The following CTAGE9 variants were observed in gnomAD, a reference collection of about 807,000 sequenced individuals.
The protein encoded by CTAGE9 is CTAGE family member 9.
For missense variants in CTAGE9, 248 were observed against 884.0 expected (o/e 0.28, Z 9.12); for synonymous variants, 107 against 315.9 (o/e 0.34, Z 7.01).
In CTAGE9 at chr6:131,710,659, G is replaced by T. The variant is rs772311871; in HGVS notation, c.359C>A (p.Ala120Glu). 4 of 1,611,958 alleles carry T rather than the reference G, an allele frequency of 2.5e-6. No individual in the cohort carries two copies. Among genetic ancestry groups the T allele is most frequent in the East Asian group, 4.5e-5 (2 of 44,806 alleles). The stretch of plus-strand genomic sequence containing the variant: ...CAAACTTCGTGCTTCTTCTGCTGCC[G>T]CCTTCTCAAAGCTGGCATCCTCTAA... The part of the protein sequence containing the change: ...SSLEDASFEK[A>E]AAEEARSLEA... Residue 120 changes from alanine (A) to glutamate (E), a missense_variant, in exon 1 of 1, where the codon GCG becomes GAG. By Grantham distance (107) the Ala-to-Glu change is moderately radical (BLOSUM62 -1). Coordinates refer to ENST00000314099, the MANE Select transcript of CTAGE9 (RefSeq NM_001145659.1).
Position 131,710,038 on chromosome 6 carries a change from G to A in CTAGE9, c.980C>T (p.Ser327Phe), listed in dbSNP as rs1179328012. Residue 327 changes from serine to phenylalanine, a missense_variant, in exon 1 of 1, where the codon TCT becomes TTT. Physicochemically the swap from Ser to Phe is radical, Grantham distance 155. Coordinates refer to ENST00000314099, the MANE Select transcript of CTAGE9 (RefSeq NM_001145659.1). ...KLIHAAKLNV[S>F]LKSLEGERNH... ...TCTTTCTCCTTCTAAGCTTTTTAAA[G>A]AAACATTTAACTTAGCAGCATGAAT... The A allele has an allele frequency of 2.5e-6, 4 of 1,611,856 alleles. No individual in the cohort carries two copies. Among genetic ancestry groups the A allele is most frequent in the African/African-American group, 2.7e-5 (2 of 74,766 alleles).
Position 131,710,147 on chromosome 6 carries a change from C to T in CTAGE9, c.871G>A (p.Asp291Asn), listed in dbSNP as rs1170812881. ...AVLEEDTTDD[D>N]NLELKVNSQW... is the part of the protein sequence containing the mutation. ...CTGTTCACTTTTAATTCCAGGTTAT[C>T]ATCATCCGTTGTGTCTTCTTCAAGC... The change falls in exon 1 of 1, where the codon GAT becomes AAT. Residue 291 changes from aspartate to asparagine, a missense_variant. Physicochemically the swap from Asp to Asn is conservative, Grantham distance 23. Transcript: ENST00000314099. 3 of 1,613,872 alleles carry T rather than the reference C, an allele frequency of 1.9e-6. 1 individual carries two copies. Among genetic ancestry groups the T allele is most frequent in the Non-Finnish European group, 2.5e-6 (3 of 1,179,862 alleles).
In CTAGE9 at chr6:131,709,403, G is replaced by A. The variant is rs201703955; in HGVS notation, c.1615C>T (p.Pro539Ser). The stretch of plus-strand genomic sequence containing the variant: ...AGTGGATCCTCCAACAAAGTTTGAG[G>A]AGAGGGAAAAGCTCTCGTTTCAGAT... ...PSSETRAFPSPQTLLEDPLRL... is the reference protein window; with the variant it reads ...PSSETRAFPSSQTLLEDPLRL... The change falls in exon 1 of 1, where the codon CCT becomes TCT. Residue 539 changes from proline (P) to serine (S), a missense_variant. By Grantham distance (74) the Pro-to-Ser change is moderately conservative. Transcript: ENST00000314099. 3,496 of 1,552,796 alleles carry A rather than the reference G, an allele frequency of 2.3e-3. 55 individuals carry two copies. The African/African-American group carries it at 0.032, about 14-fold the overall frequency.
rs774937974 is a variant in CTAGE9, at chr6:131,710,013, TC to T, written c.1004del (p.Arg335LysfsTer52). On this transcript the variant is annotated frameshift_variant, in exon 1 of 1. Transcript: ENST00000314099. LOFTEE classifies it low-confidence loss of function (END_TRUNC). ...NVSLKSLEGERNHIIIQLSEV... is the reference protein window; with the variant it reads ...NVSLKSLEGEXNHIIIQLSEV... ...CAGATAACTGAATAATAATGTGGTT[TC>T]TTTCTCCTTCTAAGCTTTTTAAAGA... The T allele has an allele frequency of 6.2e-7, 1 of 1,606,064 alleles. No individual in the cohort carries two copies. Among genetic ancestry groups the T allele is most frequent in the Non-Finnish European group, 8.5e-7 (1 of 1,176,664 alleles).
chr6:131,710,916 C>T lies in CTAGE9; in HGVS notation c.102G>A (p.Glu34=). ...GTTCCGATGGAAAACCATAAGGATT[C>T]TCATCTGGTCTCATACTCTCAGGTA... The part of the protein sequence containing the change: ...AALPESMRPD[E]NPYGFPSELV... The change falls in exon 1 of 1, where the codon GAG becomes GAA. Residue 34 remains glutamate (E), a synonymous_variant. Coordinates refer to ENST00000314099, the MANE Select transcript of CTAGE9 (RefSeq NM_001145659.1). 6.3e-7 allele frequency: 1 copy of T among 1,594,394 alleles called. No individual in the cohort carries two copies. Among genetic ancestry groups the T allele is most frequent in the South Asian group, 1.1e-5 (1 of 90,620 alleles).
chr6:131,709,850 ATTCAGTCATTATTT>A lies in CTAGE9; in HGVS notation c.1154_1167del (p.Lys385IlefsTer6), dbSNP rs1779740103. The A allele has an allele frequency of 6.3e-7, 1 of 1,598,958 alleles. No homozygotes were observed. Among genetic ancestry groups the A allele is most frequent in the African/African-American group, 1.4e-5 (1 of 73,738 alleles). ...AGTTTCATTTCATTTTCTTGATAGA[ATTCAGTCATTATTT>A]TAAGTTTCTGTTGAAGCTTCTGATT... is the stretch of plus-strand genomic sequence containing the variant. On this transcript the variant is annotated frameshift_variant, in exon 1 of 1. Coordinates refer to ENST00000314099, the MANE Select transcript of CTAGE9 (RefSeq NM_001145659.1). LOFTEE classifies it low-confidence loss of function (END_TRUNC).
At position 131,710,817 on chromosome 6, in the gene CTAGE9, C is replaced by T. The variant is rs1779767495; in HGVS notation, c.201G>A (p.Arg67=). 6.2e-7 allele frequency: 1 copy of T among 1,613,450 alleles called. No homozygotes were observed. The highest frequency in any genetic ancestry group is 8.5e-7 in the Non-Finnish European group (1 of 1,179,846). The change falls in exon 1 of 1, where the codon AGG becomes AGA. Residue 67 remains arginine (R), a synonymous_variant. Coordinates refer to ENST00000314099, the MANE Select transcript of CTAGE9 (RefSeq NM_001145659.1). ...GCTCTCTTCCCACATAAAGCCGACT[C>T]CTAACCGATCTAAAACTTCTCCACA... ...LFLWRSFRSV[R]SRLYVGREQK... is the part of the protein sequence containing the mutation.
chr6:131,709,498 A>G lies in CTAGE9; in HGVS notation c.1520T>C (p.Leu507Pro). The G allele has an allele frequency of 6.2e-7, 1 of 1,613,232 alleles. No homozygotes were observed. The highest frequency in any genetic ancestry group is 1.1e-5 in the South Asian group (1 of 90,998). ...FELLEKDPNA[L>P]DVSNTAFGRE... ...GCCAAATGCTGTATTTGAAACATCG[A>G]GTGCATTAGGATCTTTTTCTAAAAG... Residue 507 changes from leucine (L) to proline (P), a missense_variant, in exon 1 of 1, where the codon CTC becomes CCC. Coordinates refer to ENST00000314099, the MANE Select transcript of CTAGE9 (RefSeq NM_001145659.1).
At position 131,710,584 on chromosome 6, in the gene CTAGE9, T is replaced by C; in HGVS notation, c.434A>G (p.Glu145Gly). 6.2e-7 allele frequency: 1 copy of C among 1,613,414 alleles called. No homozygotes were observed. Among genetic ancestry groups the C allele is most frequent in the Non-Finnish European group, 8.5e-7 (1 of 1,179,862 alleles). ...LSRSNSELED[E>G]ILCLEKDLKE... ...TAAGTCTTTTTCTAGACAGAGGATT[T>C]CATCCTCAAGTTCAGAATTGGACCT... Residue 145 changes from glutamate (E) to glycine (G), a missense_variant, in exon 1 of 1, where the codon GAA becomes GGA. By Grantham distance (98) the Glu-to-Gly change is moderately conservative. Transcript: ENST00000314099.
chr6:131,710,783 C>G lies in CTAGE9; in HGVS notation c.235G>C (p.Gly79Arg). 1 of 1,613,290 alleles carries G rather than the reference C, an allele frequency of 6.2e-7. No individual in the cohort carries two copies. The highest frequency in any genetic ancestry group is 8.5e-7 in the Non-Finnish European group (1 of 1,179,836). Residue 79 changes from glycine to arginine, a missense_variant, in exon 1 of 1, where the codon GGT (glycine) becomes CGT (arginine). Gly to Arg is a moderately radical substitution (Grantham distance 125). Coordinates refer to ENST00000314099, the MANE Select transcript of CTAGE9 (RefSeq NM_001145659.1). ...RLYVGREQKL[G>R]ATLSGLIEEK... The stretch of plus-strand genomic sequence containing the variant: ...TCAATTAGTCCAGAAAGCGTTGCAC[C>G]AAGTTTTTGCTCTCTTCCCACATAA...
Position 131,709,818 on chromosome 6 carries a change from C to T in CTAGE9, c.1200G>A (p.Arg400=). ...GGTAATTTTCCTCCACTGTTAATTT[C>T]CTGTAGAGTTTCATTTCATTTTCTT... ...FYQENEMKLY[R]KLTVEENYRI... Residue 400 remains arginine, a synonymous_variant, in exon 1 of 1, where the codon AGG becomes AGA. Coordinates refer to ENST00000314099, the MANE Select transcript of CTAGE9 (RefSeq NM_001145659.1). 1 of 1,609,508 alleles carries T rather than the reference C, an allele frequency of 6.2e-7. No individual in the cohort carries two copies. The highest frequency in any genetic ancestry group is 1.1e-5 in the South Asian group (1 of 90,132).
chr6:131,710,829 A>G lies in CTAGE9; in HGVS notation c.189T>C (p.Phe63=). ...FVVLLFLWRS[F]RSVRSRLYVG... is the part of the protein sequence containing the mutation. ...CATAAAGCCGACTCCTAACCGATCTAAAACTTCTCCACAAAAAAAGGAGAA... is the reference window on the plus strand; with the variant it reads ...CATAAAGCCGACTCCTAACCGATCTGAAACTTCTCCACAAAAAAAGGAGAA... The change falls in exon 1 of 1, where the codon TTT becomes TTC. Residue 63 remains phenylalanine (F), a synonymous_variant. Transcript: ENST00000314099. 1 of 1,613,344 alleles carries G rather than the reference A, an allele frequency of 6.2e-7. No individual in the cohort carries two copies. Among genetic ancestry groups the G allele is most frequent in the Non-Finnish European group, 8.5e-7 (1 of 1,179,838 alleles).
chr6:131,710,250 T>C lies in CTAGE9; in HGVS notation c.768A>G (p.Glu256=). 1.3e-6 allele frequency: 2 copies of C among 1,599,618 alleles called. No individual in the cohort carries two copies. Among genetic ancestry groups the C allele is most frequent in the Non-Finnish European group, 1.7e-6 (2 of 1,174,010 alleles). The change falls in exon 1 of 1, where the codon GAA becomes GAG. Residue 256 remains glutamate (E), a synonymous_variant. Transcript: ENST00000314099. Reference sequence around the variant, plus strand: ...GATTTTCTTTATCATTCAGAACTTGTTCTGCGTGTACTTTGGAGTCTTCAA... The same window carrying C: ...GATTTTCTTTATCATTCAGAACTTGCTCTGCGTGTACTTTGGAGTCTTCAA... ...ITFEDSKVHA[E]QVLNDKENHI...
Position 131,710,124 on chromosome 6 carries a change from G to C in CTAGE9, c.894C>G (p.Asn298Lys). 4 of 1,613,954 alleles carry C rather than the reference G, an allele frequency of 2.5e-6. No homozygotes were observed. Among genetic ancestry groups the C allele is most frequent in the Non-Finnish European group, 3.4e-6 (4 of 1,179,896 alleles). ...TDDDNLELKVNSQWENGANLD... is the reference protein window; with the variant it reads ...TDDDNLELKVKSQWENGANLD... ...AGTTAGCACCATTTTCCCATTGACT[G>C]TTCACTTTTAATTCCAGGTTATCAT... Residue 298 changes from asparagine to lysine, a missense_variant, in exon 1 of 1, where the codon AAC becomes AAG. Transcript: ENST00000314099.
Position 131,710,736 on chromosome 6 carries a change from T to C in CTAGE9, c.282A>G (p.Glu94=), listed in dbSNP as rs1168392278. 1.4e-5 allele frequency: 23 copies of C among 1,611,576 alleles called. No individual in the cohort carries two copies. In the East Asian group the frequency reaches 2.7e-4, roughly 19 times the overall value. Residue 94 remains glutamate, a synonymous_variant, in exon 1 of 1, where the codon GAA becomes GAG. Coordinates refer to ENST00000314099, the MANE Select transcript of CTAGE9 (RefSeq NM_001145659.1). The part of the protein sequence containing the change: ...GLIEEKCKLL[E]KFSLIQKEYE... ...ACTCTTTTTGAATAAGGCTAAACTT[T>C]TCAAGTAGTTTACATTTTTCTTCAA...
Position 131,709,961 on chromosome 6 carries a change from T to G in CTAGE9, c.1057A>C (p.Thr353Pro), listed in dbSNP as rs770058792. 2 of 1,594,318 alleles carry G rather than the reference T, an allele frequency of 1.3e-6. No homozygotes were observed. Among genetic ancestry groups the G allele is most frequent in the Non-Finnish European group, 1.7e-6 (2 of 1,170,454 alleles). Reference sequence around the variant, plus strand: ...GTCTGAAGATTTTTAATATGCTCTGTAAGCTCTTCCTTTGTTTTGTCCACT... The same window carrying G: ...GTCTGAAGATTTTTAATATGCTCTGGAAGCTCTTCCTTTGTTTTGTCCACT... The part of the protein sequence containing the change: ...SEVDKTKEEL[T>P]EHIKNLQTQQ... Residue 353 changes from threonine (T) to proline (P), a missense_variant, in exon 1 of 1, where the codon ACA becomes CCA. Transcript: ENST00000314099.
chr6:131,709,853 C>T lies in CTAGE9; in HGVS notation c.1165G>A (p.Glu389Lys), dbSNP rs538207207. ...KLQQKLKIMT[E>K]FYQENEMKLY... is the part of the protein sequence containing the mutation. The stretch of plus-strand genomic sequence containing the variant: ...TTCATTTCATTTTCTTGATAGAATT[C>T]AGTCATTATTTTAAGTTTCTGTTGA... Residue 389 changes from glutamate to lysine, a missense_variant, in exon 1 of 1, where the codon GAA becomes AAA. Coordinates refer to ENST00000314099, the MANE Select transcript of CTAGE9 (RefSeq NM_001145659.1). 6.3e-7 allele frequency: 1 copy of T among 1,598,088 alleles called. No homozygotes were observed. The highest frequency in any genetic ancestry group is 2.2e-5 in the East Asian group (1 of 44,642).
chr6:131,710,130 T>G lies in CTAGE9; in HGVS notation c.888A>C (p.Lys296Asn). 6 of 1,614,012 alleles carry G rather than the reference T, an allele frequency of 3.7e-6. No individual in the cohort carries two copies. The highest frequency in any genetic ancestry group is 2.5e-6 in the Non-Finnish European group (3 of 1,179,898). The change falls in exon 1 of 1, where the codon AAA (lysine) becomes AAC (asparagine). Residue 296 changes from lysine (K) to asparagine (N), a missense_variant. Coordinates refer to ENST00000314099, the MANE Select transcript of CTAGE9 (RefSeq NM_001145659.1). Reference sequence around the variant, plus strand: ...CACCATTTTCCCATTGACTGTTCACTTTTAATTCCAGGTTATCATCATCCG... The same window carrying G: ...CACCATTTTCCCATTGACTGTTCACGTTTAATTCCAGGTTATCATCATCCG... ...DTTDDDNLEL[K>N]VNSQWENGAN...
chr6:131,710,194 A>G lies in CTAGE9; in HGVS notation c.824T>C (p.Met275Thr), dbSNP rs1484323912. 6.2e-7 allele frequency: 1 copy of G among 1,608,960 alleles called. No individual in the cohort carries two copies. The change falls in exon 1 of 1, where the codon ATG becomes ACG. Residue 275 changes from methionine (M) to threonine (T), a missense_variant. Physicochemically the swap from Met to Thr is moderately conservative, Grantham distance 81. Transcript: ENST00000314099. Reference sequence around the variant, plus strand: ...AAGCACAGCAGCCTGATCTTTCATCATTGGCAAGTGTCCAGTCAGGGTCTT... The same window carrying G: ...AAGCACAGCAGCCTGATCTTTCATCGTTGGCAAGTGTCCAGTCAGGGTCTT... Reference protein sequence around the residue: ...HIKTLTGHLPMMKDQAAVLEE... With the variant: ...HIKTLTGHLPTMKDQAAVLEE...
Sources: gnomAD v4.1 joint callset for allele counts on GRCh38, gnomAD v4.1.1 for gene constraint, MANE v1.5 for transcripts, NCBI Gene and HGNC (gene_info 2026-07-23, HGNC 2026-07-21) for gene names.